Variants in NAE1 observed in about 807,000 individuals in gnomAD.
NAE1 encodes NEDD8-activating enzyme E1 regulatory subunit.
Under a neutral mutation model 88.0 loss-of-function variants are expected in NAE1, and 59 were observed. That is an observed-to-expected ratio of 0.67 (90% confidence interval 0.54 to 0.83). NAE1 has a LOEUF of 0.83. NAE1 is among the 40% of genes least tolerant of loss of function. The pLI is 0.00. For synonymous variants in NAE1, 186 were observed against 208.9 expected (o/e 0.89, Z 0.95); for missense variants, 554 against 632.8 (o/e 0.88, Z 1.34).
chr16:66,817,531 T>C, intron 8 of NAE1, 44 bp from the exon 9 acceptor site: 2 of 1,298,936 alleles, frequency 1.5e-6, no homozygotes, highest in Non-Finnish European at 2.2e-6. Context: ...GTATTATGAA[T>C]TCTTCACTGT....
intron 13 of NAE1, among the ~76,000 whole-genome samples, chr16:66,811,024 C>A (rs754664964): frequency 2.0e-5 from 3 of 152,170 alleles, no homozygotes; most frequent in Non-Finnish European, 2.9e-5. Context: ...AAAAACTGCT[C>A]CCCTAGAGGG....
chr16:66,811,878 T>C (rs1171050206), intron 13 of NAE1, among the ~76,000 whole-genome samples: 2 of 152,292 alleles, frequency 1.3e-5, no homozygotes, highest in African/African-American at 4.8e-5. Context: ...AATGGTGACA[T>C]GATAAAGAGT....
At chr16:66,818,465 A>C (rs1341751507) in intron 8 of NAE1, 63 bp downstream of exon 8, 1 of 1,297,770 alleles carries the variant, frequency 7.7e-7, no homozygotes, top group East Asian at 2.5e-5. Flanking sequence ...GTAATTCAAA[A>C]ACCTTAGGTT....
At position 66,818,611 on chromosome 16, in the gene NAE1, A is replaced by C. The variant is rs1265693888; in HGVS notation, c.538T>G (p.Leu180Val). The C allele has an allele frequency of 6.2e-7, 1 of 1,612,376 alleles. No homozygotes were observed. The highest frequency in any genetic ancestry group is 1.3e-5 in the African/African-American group (1 of 74,874). ...GGCTTATCTAGTCGTAGATCCTCTAATGCATTATCTGGATGAGATTCTATT... is the reference window on the plus strand; with the variant it reads ...GGCTTATCTAGTCGTAGATCCTCTACTGCATTATCTGGATGAGATTCTATT... ...PVIESHPDNA[L>V]EDLRLDKPFP... Residue 180 changes from leucine (L) to valine (V), a missense_variant, in exon 8 of 20, where the codon TTA becomes GTA. Leu to Val is a conservative substitution (Grantham distance 32). Transcript: ENST00000290810.
chr16:66,809,205 T>A, intron 15 of NAE1, 130 bp from the exon 16 acceptor site: 1 of 603,360 alleles, frequency 1.7e-6, no homozygotes, highest in Non-Finnish European at 2.8e-6. Context: ...AAATGTTTTC[T>A]CCTTGGTTCT....
Position 66,822,669 on chromosome 16 carries a change from TA to T in NAE1, c.401+557del, listed in dbSNP as rs1431872123. 6.4e-3 allele frequency among the ~76,000 whole-genome samples: 957 copies of T among 149,176 alleles called. 4 individuals carry two copies. Among genetic ancestry groups the T allele is most frequent in the South Asian group, 0.027 (126 of 4,624 alleles). On this transcript the variant is annotated intron_variant, in intron 6 of 19. Transcript: ENST00000290810. ...AATTTCTTTTATTTATTTATTTATT[TA>T]TTTATTTTTTTTTTTTGAGACAGAG...
intron 14 of NAE1, 106 bp downstream of exon 14, chr16:66,810,591 C>T: frequency 8.7e-7 from 1 of 1,153,600 alleles, no homozygotes; most frequent in East Asian, 2.4e-5. Context: ...ATGACAGCTC[C>T]CTCTAAAGAA....
chr16:66,826,608 A>G (rs1960474016), intron 2 of NAE1, 25 bp from the exon 3 acceptor site: 1 of 1,614,128 alleles, frequency 6.2e-7, no homozygotes, highest in East Asian at 2.2e-5. Context: ...AGAGTCAGTC[A>G]GGAATACATA....
rs1960480601 is a variant in NAE1, at chr16:66,826,787, AAC to A, written c.54-9_54-8del. The A allele has an allele frequency of 6.3e-7, 1 of 1,581,854 alleles. No individual in the cohort carries two copies. Among genetic ancestry groups the A allele is most frequent in the Non-Finnish European group, 8.6e-7 (1 of 1,169,182 alleles). On this transcript the variant is annotated splice_region_variant and splice_polypyrimidine_tract_variant and intron_variant, in intron 1 of 19. Coordinates refer to ENST00000290810, the MANE Select transcript of NAE1 (RefSeq NM_003905.4). ...CCCATGATCACCCCACAACCTACAA[AAC>A]AGACACAAATTTGATGTTTTTAAAA...
Position 66,817,023 on chromosome 16 carries a change from A to G in NAE1, c.690T>C (p.Asn230=). ...CTTTATACGTTTTAGGTATTCGTCCATTTGTCTAAATTGGTTAAAAATTTT... is the reference window on the plus strand; with the variant it reads ...CTTTATACGTTTTAGGTATTCGTCCGTTTGTCTAAATTGGTTAAAAATTTT... ...KYLAQWYSET[N]GRIPKTYKEK... is the part of the protein sequence containing the mutation. Residue 230 remains asparagine, a synonymous_variant, in exon 10 of 20, where the codon AAT becomes AAC. Transcript: ENST00000290810. 6.3e-7 allele frequency: 1 copy of G among 1,585,070 alleles called. No homozygotes were observed. Among genetic ancestry groups the G allele is most frequent in the African/African-American group, 1.4e-5 (1 of 73,142 alleles).
Position 66,806,009 on chromosome 16 carries a change from C to T in NAE1, c.1348G>A (p.Val450Ile), listed in dbSNP as rs187763841. The T allele has an allele frequency of 6.8e-6, 11 of 1,610,354 alleles. No individual in the cohort carries two copies. The East Asian group carries it at 2.5e-4, about 36-fold the overall frequency. The change falls in exon 18 of 20, where the codon GTT (valine) becomes ATT (isoleucine). Residue 450 changes from valine to isoleucine, a missense_variant. Coordinates refer to ENST00000290810, the MANE Select transcript of NAE1 (RefSeq NM_003905.4). ...TTCAACTTTCCTATATCTTCTTCAA[C>T]TTGATAGTTAGATACTCCTAAAAAT... ...GRYPGVSNYQ[V>I]EEDIGKLKSC...
At chr16:66,814,159 C>G (rs1959937772) in intron 11 of NAE1, among the ~76,000 whole-genome samples, 2 of 152,098 alleles carry the variant, frequency 1.3e-5, no homozygotes. Flanking sequence ...AGATTATAGA[C>G]TCGCAGTATA....
intron 8 of NAE1, 65 bp from the exon 9 acceptor site, chr16:66,817,552 T>G: frequency 9.2e-7 from 1 of 1,092,254 alleles, no homozygotes; most frequent in Non-Finnish European, 1.3e-6. Flanking sequence ...ACCATCTCGT[T>G]TTCAACAAAT....
intron 15 of NAE1, 64 bp downstream of exon 15, chr16:66,810,309 TG>T: frequency 7.6e-7 from 1 of 1,322,096 alleles, no homozygotes; most frequent in Non-Finnish European, 1.1e-6. Flanking sequence ...TCAAAATACC[TG>T]GGAACATTCC....
At chr16:66,821,683 A>G (rs1960268145) in intron 6 of NAE1, 124 bp from the exon 7 acceptor site, 2 of 746,736 alleles carry the variant, frequency 2.7e-6, no homozygotes, top group South Asian at 2.7e-5. Flanking sequence ...GCAAAGGTAC[A>G]TAACTGCATT....
intron 6 of NAE1, among the ~76,000 whole-genome samples, chr16:66,821,981 C>T (rs545056146): frequency 6.6e-6 from 1 of 152,166 alleles, no homozygotes; most frequent in East Asian, 1.9e-4. Flanking sequence ...GTGATTCTCC[C>T]ATCCCAGCCT....
chr16:66,826,569 T>A lies in NAE1; in HGVS notation c.172A>T (p.Thr58Ser), dbSNP rs1960472328. 1.2e-6 allele frequency: 2 copies of A among 1,614,142 alleles called. No individual in the cohort carries two copies. The highest frequency in any genetic ancestry group is 1.7e-6 in the Non-Finnish European group (2 of 1,180,022). Residue 58 changes from threonine (T) to serine (S), a missense_variant, in exon 3 of 20, where the codon ACA becomes TCA. Transcript: ENST00000290810. ...CTGACCTGATTTCCATCAATAATTG[T>A]AAACGAACCAATACCTGAGAGCCAA... ...NLVLPGIGSFTIIDGNQVSGE... is the reference protein window; with the variant it reads ...NLVLPGIGSFSIIDGNQVSGE...
intron 17 of NAE1, among the ~76,000 whole-genome samples, chr16:66,807,131 C>G (rs1369068078): frequency 2.0e-5 from 3 of 152,212 alleles, no homozygotes; most frequent in Admixed American, 1.3e-4. Context: ...ACTCCACCCC[C>G]AGGCTCAAGC....
intron 11 of NAE1, among the ~76,000 whole-genome samples, chr16:66,815,361 T>G (rs1309129316): frequency 6.6e-6 from 1 of 152,138 alleles, no homozygotes; most frequent in Non-Finnish European, 1.5e-5. Context: ...ACAAAGCACA[T>G]TTATTTTTTG....
Sources: allele counts gnomAD v4.1 joint callset (sites outside exome capture counted in the v4.1 genomes callset), GRCh38; gene constraint gnomAD v4.1.1; transcripts MANE v1.5; gene names NCBI Gene and HGNC (gene_info 2026-07-23, HGNC 2026-07-21).